DENND2D: variants seen among roughly 807,000 people sequenced by gnomAD.
DENND2D encodes the protein DENN domain containing 2D, also known as DENN domain-containing protein 2D.
DENND2D carries 37 observed loss-of-function variants against 59.8 expected under a neutral mutation model. The observed-to-expected ratio is 0.62, with a 90% CI of 0.48 to 0.81. DENND2D has a LOEUF of 0.81. Ranked by LOEUF, DENND2D falls within the 40% of genes least tolerant of loss-of-function variation. DENND2D has a pLI of 0.00. For synonymous variants in DENND2D, 219 were observed against 211.3 expected (o/e 1.04, Z -0.31); for missense variants, 525 against 579.7 (o/e 0.91, Z 0.97).
Position 111,197,255 on chromosome 1 carries a change from TG to T in DENND2D, c.427-3del. 1 of 1,611,740 alleles carries T rather than the reference TG, an allele frequency of 6.2e-7. No individual in the cohort carries two copies. On this transcript the variant is annotated splice_polypyrimidine_tract_variant and splice_region_variant and intron_variant, in intron 4 of 11. Transcript: ENST00000357640. ...AAGGCGAGGGCCAGGGCCGGCAGGC[TG>T]GGGAGGGACAGAGAGGCTCCTTCAG...
chr1:111,199,618 C>T lies in DENND2D; in HGVS notation c.243+5G>A. 6.2e-7 allele frequency: 1 copy of T among 1,612,060 alleles called. No individual in the cohort carries two copies. Among genetic ancestry groups the T allele is most frequent in the African/African-American group, 1.3e-5 (1 of 74,998 alleles). On this transcript the variant is annotated splice_donor_5th_base_variant and intron_variant, in intron 2 of 11. Transcript: ENST00000357640. ...GGCTGGCCCTGCCCCTCCTTCAGTCCTTACCTTGGGAAATTGGTAGGTGAT... is the reference window on the plus strand; with the variant it reads ...GGCTGGCCCTGCCCCTCCTTCAGTCTTTACCTTGGGAAATTGGTAGGTGAT...
At chr1:111,188,429 C>A in intron 10 of DENND2D, 59 bp from the exon 11 acceptor site, 1 of 1,588,850 alleles carries the variant, frequency 6.3e-7, no homozygotes, top group South Asian at 1.1e-5. Flanking sequence ...TACCCAAACT[C>A]ACCTTCAAGA....
chr1:111,204,260 C>G (rs776510256), upstream of DENND2D: 24 of 1,456,622 alleles, frequency 1.6e-5, no homozygotes, highest in Admixed American at 2.5e-5. Context: ...CCGGTGCCCA[C>G]GCCGTCCCCC....
chr1:111,195,831 G>C, intron 6 of DENND2D, 85 bp downstream of exon 6: 1 of 1,586,904 alleles, frequency 6.3e-7, no homozygotes, highest in Non-Finnish European at 8.6e-7. Flanking sequence ...ACTTTAACCT[G>C]GTTAATGGAA....
At chr1:111,192,443 C>T in intron 7 of DENND2D, 126 bp from the exon 8 acceptor site, 1 of 1,021,236 alleles carries the variant, frequency 9.8e-7, no homozygotes, top group Non-Finnish European at 1.3e-6. Flanking sequence ...AAAGGCAAGT[C>T]TGGGGGCCAT....
At chr1:111,198,842 G>C (rs1018076424) in intron 2 of DENND2D, 100 bp from the exon 3 acceptor site, 2 of 1,229,492 alleles carry the variant, frequency 1.6e-6, no homozygotes, top group African/African-American at 3.0e-5. Flanking sequence ...CTCTAAAGCA[G>C]TCTAGGGTTA....
At chr1:111,191,781 G>A (rs1416828872) in intron 8 of DENND2D, among the ~76,000 whole-genome samples, 1 of 152,172 alleles carries the variant, frequency 6.6e-6, no homozygotes, top group East Asian at 1.9e-4. Context: ...TCATACATTT[G>A]GATGAGATGG....
chr1:111,204,406 CT>C (rs969953940), upstream of DENND2D: 32 of 1,342,480 alleles, frequency 2.4e-5, no homozygotes, highest in African/African-American at 4.6e-5. Context: ...CCCCGCCCCC[CT>C]ATCCTTGACC....
chr1:111,203,901 G>A (rs903579541), upstream of DENND2D, among the ~76,000 whole-genome samples: 3 of 152,266 alleles, frequency 2.0e-5, no homozygotes, highest in East Asian at 5.8e-4. Flanking sequence ...GGGCGGCGAG[G>A]TGGGGCGGGG....
chr1:111,197,010 C>T (rs1658294793), intron 5 of DENND2D, 166 bp downstream of exon 5: 1 of 735,824 alleles, frequency 1.4e-6, no homozygotes. Flanking sequence ...TTCCACTTTT[C>T]CCTTAAGTCA....
chr1:111,197,156 C>G lies in DENND2D; in HGVS notation c.504+20G>C, dbSNP rs761142362. On this transcript the variant is annotated intron_variant, in intron 5 of 11. Transcript: ENST00000357640. ...AGACAGCCTGGAATATGGGCAGGCC[C>G]TGAGGAATCCTATCCCTACCTTGGA... 18 of 1,258,054 alleles carry G rather than the reference C, an allele frequency of 1.4e-5. No individual in the cohort carries two copies. The highest frequency in any genetic ancestry group is 1.9e-5 in the Non-Finnish European group (18 of 936,812). 77.9% of individuals were successfully genotyped at this position (1,258,054 alleles called of 1,614,324 possible). A position where few individuals can be genotyped will look rare whatever the true frequency, so the allele number is the denominator to read the frequency against.
chr1:111,189,046 A>G (rs1657484153), intron 9 of DENND2D, among the ~76,000 whole-genome samples, 166 bp downstream of exon 9: 1 of 152,212 alleles, frequency 6.6e-6, no homozygotes, highest in Admixed American at 6.5e-5. Flanking sequence ...TAGTGAAGTC[A>G]TCTGTGTTTA....
upstream of DENND2D, among the ~76,000 whole-genome samples, chr1:111,202,854 C>T (rs544971777): frequency 5.6e-4 from 85 of 151,604 alleles, no homozygotes; most frequent in Admixed American, 1.1e-3. Context: ...AGTGTTAGGC[C>T]TCAGTTCTTA....
At chr1:111,202,611 C>A (rs974080178), upstream of DENND2D, among the ~76,000 whole-genome samples, 11 of 151,720 alleles carry the variant, frequency 7.3e-5, no homozygotes, top group Non-Finnish European at 1.3e-4. Context: ...CCTTCTGGAA[C>A]CTTGATCTGG....
intron 11 of DENND2D, 72 bp downstream of exon 11, chr1:111,188,056 ATTC>A (rs1265399288): frequency 6.4e-7 from 1 of 1,555,180 alleles, no homozygotes; most frequent in East Asian, 2.2e-5. Context: ...AAAGAGAAGT[ATTC>A]TTTCTTTCCC....
chr1:111,197,668 A>G, intron 4 of DENND2D: 1 of 1,384,358 alleles, frequency 7.2e-7, no homozygotes, highest in Non-Finnish European at 9.4e-7. Flanking sequence ...AGGCAGGGAG[A>G]GGAGTTAGTT....
upstream of DENND2D, among the ~76,000 whole-genome samples, chr1:111,203,952 A>G (rs966851855): frequency 1.1e-4 from 17 of 152,022 alleles, no homozygotes; most frequent in African/African-American, 3.9e-4. Flanking sequence ...CTCTGGGAGG[A>G]CACCACAACC....
rs777794593 is a variant in DENND2D at position 111,197,128 on chromosome 1, C to T, written c.504+48G>A. 7 of 1,578,330 alleles carry T rather than the reference C, an allele frequency of 4.4e-6. No homozygotes were observed. In the Middle Eastern group the frequency reaches 5.0e-4, roughly 112 times the overall value. ...TAGTTGCACAGGCAGGGTTGGCAGC[C>T]AGAGACAGCCTGGAATATGGGCAGG... On this transcript the variant is annotated intron_variant, in intron 5 of 11. Coordinates refer to ENST00000357640, the MANE Select transcript of DENND2D (RefSeq NM_024901.5).
chr1:111,203,930 C>G (rs1557969878), upstream of DENND2D, among the ~76,000 whole-genome samples: 1 of 152,110 alleles, frequency 6.6e-6, no homozygotes, highest in Non-Finnish European at 1.5e-5. Flanking sequence ...ACGCCGGGAG[C>G]TGAGGCAGTG....
Sources: gnomAD v4.1 joint callset for allele counts (sites outside exome capture counted in the v4.1 genomes callset) on GRCh38, gnomAD v4.1.1 for gene constraint, MANE v1.5 for transcripts, NCBI Gene and HGNC (gene_info 2026-07-23, HGNC 2026-07-21) for gene names.